TDP2: variants seen among roughly 807,000 people sequenced by gnomAD.
TDP2 encodes tyrosyl-DNA phosphodiesterase 2, also known as 5'-Tyr-DNA phosphodiesterase.
A neutral mutation model predicts 42.8 loss-of-function variants in TDP2; 38 were observed. That is an observed-to-expected ratio of 0.89 (90% confidence interval 0.68 to 1.16). The LOEUF is 1.16. Ranked by LOEUF, TDP2 falls within the 50% of genes most tolerant of loss-of-function variation. TDP2 has a pLI of 0.00. For synonymous variants in TDP2, 173 were observed against 150.6 expected, an observed-to-expected ratio of 1.15 and a Z score of -1.09; for missense variants, 439 against 439.3, an observed-to-expected ratio of 1.00 and a Z score of 0.01.
chr6:24,651,193 A>G, intron 6 of TDP2, 124 bp from the exon 7 acceptor site: 1 of 728,748 alleles, frequency 1.4e-6, no homozygotes, highest in Non-Finnish European at 2.2e-6. Flanking sequence ...AATGCAAAAC[A>G]ATGAGATACA....
intron 2 of TDP2, chr6:24,666,021 T>C: frequency 6.9e-7 from 1 of 1,456,014 alleles, no homozygotes; most frequent in South Asian, 1.4e-5. Flanking sequence ...TAGAGGGCCT[T>C]GTAAGGCAGC....
chr6:24,666,201 G>A (rs886245350), intron 2 of TDP2: 11 of 1,550,324 alleles, frequency 7.1e-6, no homozygotes, highest in Non-Finnish European at 9.6e-6. Flanking sequence ...GCCATTTTTC[G>A]ATAGAAGGTT....
chr6:24,654,305 G>T (rs1263038575), intron 5 of TDP2, 107 bp downstream of exon 5: 1 of 565,524 alleles, frequency 1.8e-6, no homozygotes, highest in Non-Finnish European at 3.0e-6. Context: ...ATCTACATGT[G>T]TGAAGCAAAT....
rs770061117 is a variant in TDP2 at position 24,666,833 on chromosome 6, C to G, written c.30G>C (p.Gly10=). The G allele has an allele frequency of 8.7e-6, 14 of 1,614,028 alleles. No individual in the cohort carries two copies. Among genetic ancestry groups the G allele is most frequent in the Admixed American group, 5.0e-5 (3 of 60,016 alleles). Residue 10 remains glycine, a synonymous_variant, in exon 1 of 7, where the codon GGG becomes GGC. Transcript: ENST00000378198. The stretch of plus-strand genomic sequence containing the variant: ...CGCCCTCTTCCTCCGCCGCCTCCCT[C>G]CCGCCCTCCAGGCAACTCCCCAACT... MELGSCLEG[G]REAAEEEGEP... is the part of the protein sequence containing the mutation.
chr6:24,656,127 TAAAACAAACAA>T (rs1404353700), intron 4 of TDP2, among the ~76,000 whole-genome samples: 1 of 151,722 alleles, frequency 6.6e-6, no homozygotes, highest in African/African-American at 2.4e-5. Context: ...GATTAAAACC[TAAAACAAACAA>T]AAAACTAACA....
At chr6:24,665,547 G>T (rs1220425214) in intron 2 of TDP2, among the ~76,000 whole-genome samples, 1 of 152,212 alleles carries the variant, frequency 6.6e-6, no homozygotes, top group East Asian at 1.9e-4. Context: ...AATTTTACAG[G>T]TTGTACATAT....
chr6:24,651,905 T>C (rs781239209), intron 6 of TDP2, among the ~76,000 whole-genome samples: 37 of 152,202 alleles, frequency 2.4e-4, no homozygotes, highest in Non-Finnish European at 1.3e-4. Context: ...AATTTTTAAG[T>C]GTACAGTGAT....
intron 2 of TDP2, among the ~76,000 whole-genome samples, chr6:24,663,946 CT>C (rs1170762597): frequency 6.6e-6 from 1 of 152,188 alleles, no homozygotes; most frequent in Non-Finnish European, 1.5e-5. Context: ...TAAAAATTTC[CT>C]TTTGGAAAAA....
intron 2 of TDP2, among the ~76,000 whole-genome samples, chr6:24,665,604 T>G (rs1185060624): frequency 6.6e-6 from 1 of 152,222 alleles, no homozygotes; most frequent in Non-Finnish European, 1.5e-5. Flanking sequence ...TGGGAGCTTA[T>G]TATGTGTCAA....
rs777079370 is a variant in TDP2, at chr6:24,651,016, C to CA, written c.860dup (p.Leu287PhefsTer5). On this transcript the variant is annotated frameshift_variant, in exon 7 of 7. Transcript: ENST00000378198. LOFTEE classifies it high-confidence loss of function. ...TATACTGGCAATGTTTAGGTTTGCC[C>CA]AAAAACTCCCAGACATCCACAATGT... The CA allele has an allele frequency of 6.2e-7, 1 of 1,613,512 alleles. No individual in the cohort carries two copies. Among genetic ancestry groups the CA allele is most frequent in the South Asian group, 1.1e-5 (1 of 91,066 alleles).
chr6:24,652,175 G>A (rs925468496), intron 6 of TDP2, among the ~76,000 whole-genome samples: 4 of 152,054 alleles, frequency 2.6e-5, no homozygotes, highest in South Asian at 2.1e-4. Context: ...TTTAAGATTC[G>A]CCCATATTGT....
At chr6:24,661,284 G>A (rs568767686) in intron 2 of TDP2, among the ~76,000 whole-genome samples, 67 of 152,224 alleles carry the variant, frequency 4.4e-4, no homozygotes, top group African/African-American at 1.5e-3. Context: ...CTTGGACAAT[G>A]GTATTTATAT....
intron 4 of TDP2, among the ~76,000 whole-genome samples, chr6:24,656,974 TGAGA>T (rs1271168772): frequency 6.6e-6 from 1 of 152,154 alleles, no homozygotes; most frequent in Non-Finnish European, 1.5e-5. Flanking sequence ...ACACACAGAC[TGAGA>T]GAGAACCCTC....
At chr6:24,661,110 T>C (rs189681790) in intron 2 of TDP2, among the ~76,000 whole-genome samples, 6 of 152,360 alleles carry the variant, frequency 3.9e-5, no homozygotes, top group East Asian at 3.9e-4. Context: ...TATGTAAATA[T>C]GCTGTTGTTC....
Position 24,666,740 on chromosome 6 carries a change from T to G in TDP2, c.123A>C (p.Ala41=). ...EFASVASCDA[A]VAQCFLAEND... Reference sequence around the variant, plus strand: ...TCTCGGCCAGGAAGCACTGAGCCACTGCGGCATCGCAGCTTGCGACCGAGG... The same window carrying G: ...TCTCGGCCAGGAAGCACTGAGCCACGGCGGCATCGCAGCTTGCGACCGAGG... Residue 41 remains alanine, a synonymous_variant, in exon 1 of 7, where the codon GCA becomes GCC. Transcript: ENST00000378198. 6.2e-7 allele frequency: 1 copy of G among 1,614,250 alleles called. No homozygotes were observed.
chr6:24,663,057 A>G (rs1778179912), intron 2 of TDP2, among the ~76,000 whole-genome samples: 1 of 152,200 alleles, frequency 6.6e-6, no homozygotes, highest in African/African-American at 2.4e-5. Flanking sequence ...TCTACCTCAT[A>G]AAACTGTAAA....
chr6:24,666,287 T>A, intron 2 of TDP2: 1 of 1,535,432 alleles, frequency 6.5e-7, no homozygotes, highest in African/African-American at 1.4e-5. Flanking sequence ...CATTTCCATC[T>A]TTTCCTCCCT....
chr6:24,660,559 A>G (rs987443495), intron 2 of TDP2, among the ~76,000 whole-genome samples: 3 of 152,246 alleles, frequency 2.0e-5, no homozygotes, highest in East Asian at 1.9e-4. Context: ...TTTGTTGTCA[A>G]TAGAGATGTG....
intron 6 of TDP2, among the ~76,000 whole-genome samples, chr6:24,652,464 C>G (rs1208799680): frequency 6.6e-6 from 1 of 152,076 alleles, no homozygotes; most frequent in Non-Finnish European, 1.5e-5. Context: ...TGTGTCTCAA[C>G]TGAGCTATAG....
Sources: allele counts gnomAD v4.1 joint callset (sites outside exome capture counted in the v4.1 genomes callset), GRCh38; gene constraint gnomAD v4.1.1; transcripts MANE v1.5; gene names NCBI Gene and HGNC (gene_info 2026-07-23, HGNC 2026-07-21).